PRKX: variants seen among roughly 807,000 people sequenced by gnomAD.
The protein encoded by PRKX is protein kinase cAMP-dependent X-linked catalytic subunit, also known as cAMP-dependent protein kinase catalytic subunit PRKX.
Under a neutral mutation model 22.0 loss-of-function variants are expected in PRKX, and 12 were observed. The ratio of observed to expected loss-of-function variants is 0.54; its 90% confidence interval spans 0.35 to 0.88. The LOEUF (loss-of-function observed/expected upper bound fraction) is 0.88, where lower values mean the gene tolerates loss of function less well. PRKX is among the 40% of genes least tolerant of loss of function. The probability of loss-of-function intolerance (pLI) is 0.01; values close to 1 mark genes in which losing one functional copy is unlikely to be tolerated. For missense variants in PRKX, 217 were observed against 308.0 expected, an observed-to-expected ratio of 0.70 and a Z score of 2.21; for synonymous variants, 134 against 137.7, an observed-to-expected ratio of 0.97 and a Z score of 0.19.
At chrX:3,616,158 A>G (rs1173428843) in intron 6 of PRKX, among the ~76,000 whole-genome samples, 1 of 111,408 alleles carries the variant, frequency 9.0e-6, no homozygotes, top group Admixed American at 9.6e-5. Context: ...CCAAAGACGA[A>G]AAAGGTAAAT....
At chrX:3,663,630 TAAA>T (rs780899033) in intron 2 of PRKX, among the ~76,000 whole-genome samples, 2 of 66,218 alleles carry the variant, frequency 3.0e-5, no homozygotes, top group Non-Finnish European at 5.7e-5. Context: ...CCACATCTCT[TAAA>T]AAAAAAAAAA....
At chrX:3,680,130 CTGTTGTTGT>C (rs34465309) in intron 1 of PRKX, among the ~76,000 whole-genome samples, 7 of 107,884 alleles carry the variant, frequency 6.5e-5, no homozygotes, top group East Asian at 2.9e-4. Flanking sequence ...ACATCCTGGC[CTGTTGTTGT>C]TGTTGTTGTT....
At position 3,621,388 on chromosome X, in the gene PRKX, G is replaced by A. The variant is rs1262227176; in HGVS notation, c.816-72C>T. 4 of 930,165 alleles carry A rather than the reference G, an allele frequency of 4.3e-6. No individual in the cohort carries two copies. The East Asian group carries it at 9.4e-5, about 22-fold the overall frequency. The allele number at this position is 930,165 out of a possible 1,213,427, so 76.7% of individuals were successfully genotyped here. On this transcript the variant is annotated intron_variant, in intron 5 of 8. Transcript: ENST00000262848. ...TATCAACATCAGCAAACGCAGCATG[G>A]CAACAGAGATAAGATCTATCTGACA...
chrX:3,629,881 CAG>C (rs1460813657), intron 4 of PRKX, among the ~76,000 whole-genome samples: 1 of 111,868 alleles, frequency 8.9e-6, no homozygotes, highest in Non-Finnish European at 1.9e-5. Context: ...GGTGCAGGAG[CAG>C]AGTCTGTACT....
At chrX:3,621,386 T>C (rs1926554488) in intron 5 of PRKX, 70 bp from the exon 6 acceptor site, 7 of 947,456 alleles carry the variant, frequency 7.4e-6, no homozygotes, top group Admixed American at 4.8e-5. Flanking sequence ...AAACGCAGCA[T>C]GGCAACAGAG....
intron 1 of PRKX, among the ~76,000 whole-genome samples, chrX:3,699,518 AT>A (rs1276810952): frequency 4.7e-5 from 5 of 107,390 alleles, no homozygotes; most frequent in African/African-American, 1.7e-4. Context: ...ACGCCCAGCT[AT>A]TTTTTTGTAT....
intron 5 of PRKX, among the ~76,000 whole-genome samples, chrX:3,623,151 CGTGTGT>C (rs60593114): frequency 0.077 from 7,353 of 96,011 alleles, 259 homozygotes; most frequent in Non-Finnish European, 0.11. Flanking sequence ...TAAATTTCAA[CGTGTGT>C]GTGTGTGTGT....
intron 1 of PRKX, among the ~76,000 whole-genome samples, chrX:3,702,212 C>G (rs1262254966): frequency 8.9e-6 from 1 of 112,441 alleles, no homozygotes; most frequent in African/African-American, 3.2e-5. Context: ...AGGCAGGCTT[C>G]ACAGGGTCCC....
chrX:3,680,693 T>C (rs1928054361), intron 1 of PRKX, among the ~76,000 whole-genome samples: 1 of 112,026 alleles, frequency 8.9e-6, no homozygotes. Context: ...TGAATCACCA[T>C]GACCATGGAA....
intron 1 of PRKX, among the ~76,000 whole-genome samples, chrX:3,706,018 AC>A (rs1212824741): frequency 2.3e-4 from 23 of 101,148 alleles, no homozygotes; most frequent in African/African-American, 8.7e-4. Context: ...AAAAAAAAAA[AC>A]CACAATGTCA....
intron 1 of PRKX, among the ~76,000 whole-genome samples, chrX:3,707,900 C>T (rs1210277718): frequency 8.9e-6 from 1 of 111,773 alleles, no homozygotes; most frequent in Non-Finnish European, 1.9e-5. Flanking sequence ...ACAAACAACA[C>T]TCCTAATTGC....
In PRKX at chrX:3,611,823, TAAGG is replaced by T. The variant is rs914370485; in HGVS notation, c.*23+350_*23+353del. ...TTTTGAAAATACTTGTTAATTATTC[TAAGG>T]AAGCTCGCCTGTCACTCAGGGTTTC... On this transcript the variant is annotated intron_variant, in intron 8 of 8. Coordinates refer to ENST00000262848, the MANE Select transcript of PRKX (RefSeq NM_005044.5). Among the ~76,000 whole-genome samples the T allele has an allele frequency of 5.4e-5, 6 of 111,465 alleles. No individual in the cohort carries two copies. In the Admixed American group the frequency reaches 5.8e-4, roughly 11 times the overall value.
At chrX:3,684,101 A>C (rs1304687403) in intron 1 of PRKX, among the ~76,000 whole-genome samples, 2 of 110,574 alleles carry the variant, frequency 1.8e-5, no homozygotes, top group Non-Finnish European at 3.8e-5. Flanking sequence ...AAATACAAAA[A>C]TTAGCCGGGT....
intron 2 of PRKX, among the ~76,000 whole-genome samples, 188 bp downstream of exon 2, chrX:3,674,410 G>A: frequency 9.0e-6 from 1 of 111,639 alleles, no homozygotes; most frequent in African/African-American, 3.3e-5. Context: ...GGTCAGCCAT[G>A]GAGGTCAGGA....
intron 2 of PRKX, among the ~76,000 whole-genome samples, chrX:3,671,870 C>A (rs1279354096): frequency 9.0e-6 from 1 of 110,908 alleles, no homozygotes; most frequent in Non-Finnish European, 1.9e-5. Flanking sequence ...CACCTGTAAT[C>A]CCAGCATGTC....
chrX:3,706,641 T>TG (rs1202665913), intron 1 of PRKX, among the ~76,000 whole-genome samples: 2 of 112,041 alleles, frequency 1.8e-5, no homozygotes, highest in Non-Finnish European at 3.8e-5. Flanking sequence ...CTCTTCCTGG[T>TG]GGGGGGTGTC....
intron 3 of PRKX, among the ~76,000 whole-genome samples, chrX:3,653,684 T>C (rs1927391073): frequency 1.5e-5 from 1 of 68,690 alleles, no homozygotes; most frequent in African/African-American, 5.3e-5. Context: ...ATATAATATA[T>C]ATAATATACT....
intron 2 of PRKX, among the ~76,000 whole-genome samples, chrX:3,664,032 A>T (rs1195608974): frequency 1.8e-5 from 2 of 111,741 alleles, no homozygotes; most frequent in African/African-American, 6.5e-5. Flanking sequence ...ACCAGGAAGT[A>T]CATGCCCACA....
intron 4 of PRKX, among the ~76,000 whole-genome samples, chrX:3,629,383 C>T (rs1926722821): frequency 1.8e-5 from 2 of 108,463 alleles, no homozygotes; most frequent in African/African-American, 3.4e-5. Context: ...GCAGCTGGGG[C>T]TACAGGTCTG....
Sources: allele counts gnomAD v4.1 joint callset (sites outside exome capture counted in the v4.1 genomes callset), GRCh38; gene constraint gnomAD v4.1.1; transcripts MANE v1.5; gene names NCBI Gene and HGNC (gene_info 2026-07-23, HGNC 2026-07-21).